RBFOX1: variants seen among roughly 807,000 people sequenced by gnomAD.
RBFOX1 encodes the protein RNA binding protein fox-1 homolog 1.
RBFOX1 carries 8 observed loss-of-function variants against 57.7 expected under a neutral mutation model. The observed-to-expected ratio is 0.14, with a 90% confidence interval of 0.08 to 0.25. The LOEUF is 0.25. Among genes scored for constraint, RBFOX1 ranks in the 10% least tolerant of loss-of-function variants. The pLI is 1.00. For missense variants in RBFOX1, 611 were observed against 548.5 expected (o/e 1.11, Z -1.14); for synonymous variants, 326 against 222.4 (o/e 1.47, Z -4.15).
chr16:6,483,296 G>C (rs2095404248), intron 2 of RBFOX1: 1 of 1,389,600 alleles, frequency 7.2e-7, no homozygotes, highest in East Asian at 2.8e-5. Flanking sequence ...CGGGCTGCTC[G>C]CTCTCGCGCC....
intron 3 of RBFOX1, among the ~76,000 whole-genome samples, chr16:6,694,392 C>A (rs2060708472): frequency 6.6e-6 from 1 of 152,154 alleles, no homozygotes; most frequent in South Asian, 2.1e-4. Flanking sequence ...CCAAATTCCA[C>A]TATAAACACA....
chr16:5,293,441 A>G (rs1165316111), intron 1 of RBFOX1, among the ~76,000 whole-genome samples: 1 of 152,126 alleles, frequency 6.6e-6, no homozygotes, highest in African/African-American at 2.4e-5. Flanking sequence ...GCACCCAACC[A>G]TATCCATTGC....
chr16:6,022,275 A>G lies in RBFOX1; in HGVS notation c.-127+2283A>G, dbSNP rs145960558. On this transcript the variant is annotated intron_variant, in intron 1 of 15. Coordinates refer to ENST00000550418, the MANE Select transcript of RBFOX1 (RefSeq NM_018723.4). ...ATCTGTTTTTTTTTTTTTAATTAGA[A>G]CATCATTTATTTAATACATAGAATA... Among the ~76,000 whole-genome samples the G allele has an allele frequency of 2.3e-3, 343 of 151,966 alleles. 1 individual carries two copies. The highest frequency in any genetic ancestry group is 3.9e-3 in the Non-Finnish European group (268 of 67,992).
At chr16:5,722,269 C>T (rs147066746) in intron 3 of RBFOX1, among the ~76,000 whole-genome samples, 32 of 152,308 alleles carry the variant, frequency 2.1e-4, no homozygotes, top group African/African-American at 7.5e-4. Flanking sequence ...CATAATTAGG[C>T]TACAGTGTAT....
intron 3 of RBFOX1, among the ~76,000 whole-genome samples, chr16:6,872,670 C>G (rs2061146091): frequency 6.6e-6 from 1 of 152,170 alleles, no homozygotes; most frequent in African/African-American, 2.4e-5. Context: ...TGGACACTGT[C>G]ACTGCTAGCA....
At chr16:6,193,391 A>G (rs1208502305) in intron 1 of RBFOX1, among the ~76,000 whole-genome samples, 6 of 15,744 alleles carry the variant, frequency 3.8e-4, no homozygotes, top group African/African-American at 7.0e-4. Context: ...ATATATATAT[A>G]CTATATATAT....
chr16:6,720,127 A>G (rs1012576571), intron 3 of RBFOX1, among the ~76,000 whole-genome samples: 4 of 152,062 alleles, frequency 2.6e-5, no homozygotes, highest in Non-Finnish European at 5.9e-5. Context: ...ATAAATAACA[A>G]AATGTTAGTA....
intron 13 of RBFOX1, among the ~76,000 whole-genome samples, chr16:7,672,003 C>G (rs2071609933): frequency 6.6e-6 from 1 of 152,150 alleles, no homozygotes; most frequent in Admixed American, 6.5e-5. Flanking sequence ...AACCAATTGT[C>G]TGGATAATTT....
chr16:7,091,477 G>T (rs144562638), intron 4 of RBFOX1, among the ~76,000 whole-genome samples: 260 of 151,608 alleles, frequency 1.7e-3, no homozygotes, highest in African/African-American at 6.0e-3. Flanking sequence ...CGGGGAGAGA[G>T]TTATGCCAGG....
intron 2 of RBFOX1, among the ~76,000 whole-genome samples, chr16:6,386,697 G>A (rs2092306656): frequency 6.6e-6 from 1 of 152,190 alleles, no homozygotes; most frequent in African/African-American, 2.4e-5. Flanking sequence ...ACACATAGTA[G>A]GAACTCAAGT....
At chr16:7,562,417 G>A (rs1279305509) in intron 5 of RBFOX1, among the ~76,000 whole-genome samples, 2 of 152,150 alleles carry the variant, frequency 1.3e-5, no homozygotes, top group African/African-American at 4.8e-5. Context: ...AAATGCTGAA[G>A]GAGAGGACCC....
At chr16:7,115,081 C>G (rs1052307551) in intron 4 of RBFOX1, among the ~76,000 whole-genome samples, 3 of 152,176 alleles carry the variant, frequency 2.0e-5, no homozygotes, top group African/African-American at 7.2e-5. Context: ...ATTCCAAAGC[C>G]TTTGCTTAAA....
chr16:5,849,591 A>C (rs1223249131), intron 3 of RBFOX1, among the ~76,000 whole-genome samples: 1 of 152,056 alleles, frequency 6.6e-6, no homozygotes, highest in Non-Finnish European at 1.5e-5. Context: ...TTCTGACTGT[A>C]AGCCGCAGTC....
chr16:5,968,224 A>G lies in RBFOX1; in HGVS notation c.351+100889A>G, dbSNP rs145972156. The stretch of plus-strand genomic sequence containing the variant: ...CCAGTAGCTGGGATTATGGGCATGT[A>G]CCACCATGCCCGGTTAATTTTTGTA... On this transcript the variant is annotated intron_variant, in intron 4 of 19. Transcript: ENST00000641259. Among the ~76,000 whole-genome samples, 334 of 152,054 alleles carry G rather than the reference A, an allele frequency of 2.2e-3. 3 individuals are homozygous for G. The highest frequency in any genetic ancestry group is 7.1e-3 in the African/African-American group (296 of 41,474).
intron 1 of RBFOX1, among the ~76,000 whole-genome samples, chr16:5,284,127 G>T (rs2063336241): frequency 1.3e-5 from 2 of 152,032 alleles, no homozygotes; most frequent in South Asian, 4.1e-4. Context: ...CTCTTTGCCT[G>T]CTGCCATCCA....
At chr16:7,063,314 C>A (rs566779018) in intron 4 of RBFOX1, among the ~76,000 whole-genome samples, 6 of 152,114 alleles carry the variant, frequency 3.9e-5, no homozygotes, top group Admixed American at 1.3e-4. Flanking sequence ...CCCAGGGGAC[C>A]ACCCCCGTGC....
At chr16:6,718,849 A>G (rs117060495) in intron 3 of RBFOX1, among the ~76,000 whole-genome samples, 136 of 151,914 alleles carry the variant, frequency 9.0e-4, no homozygotes, top group African/African-American at 3.1e-3. Context: ...TTTTTTTCTT[A>G]TCTTTTTTTT....
At chr16:7,524,793 G>T (rs1037448981) in intron 5 of RBFOX1, among the ~76,000 whole-genome samples, 4 of 152,278 alleles carry the variant, frequency 2.6e-5, no homozygotes, top group African/African-American at 9.6e-5. Flanking sequence ...ATAAGGTATT[G>T]GTTGGTGATG....
intron 2 of RBFOX1, among the ~76,000 whole-genome samples, chr16:6,612,683 C>G (rs1285094811): frequency 2.0e-5 from 3 of 151,746 alleles, no homozygotes; most frequent in African/African-American, 7.3e-5. Context: ...AAAACCCCTC[C>G]TCTACTAAAA....
Sources: allele counts gnomAD v4.1 joint callset (sites outside exome capture counted in the v4.1 genomes callset), GRCh38; gene constraint gnomAD v4.1.1; transcripts MANE v1.5; gene names NCBI Gene and HGNC (gene_info 2026-07-23, HGNC 2026-07-21).